DMD: variants seen among roughly 807,000 people sequenced by gnomAD.
DMD encodes mutant dystrophin.
A neutral mutation model predicts 330.1 loss-of-function variants in DMD; 63 were observed. The observed-to-expected ratio is 0.19, with a 90% CI of 0.16 to 0.24. The LOEUF (loss-of-function observed/expected upper bound fraction) is 0.24, where lower values mean the gene tolerates loss of function less well. Among genes scored for constraint, DMD ranks in the 10% least tolerant of loss-of-function variants. DMD has a pLI of 1.00. For synonymous variants in DMD, 1,223 were observed against 959.8 expected (o/e 1.27, Z -5.07); for missense variants, 3,344 against 2,684.1 (o/e 1.25, Z -5.43).
chrX:32,027,214 G>A (rs915392291), intron 44 of DMD, among the ~76,000 whole-genome samples: 2 of 104,501 alleles, frequency 1.9e-5, no homozygotes, highest in Non-Finnish European at 3.9e-5. Flanking sequence ...AGAAGCGGGG[G>A]AAGGCTGGGG....
At position 31,120,913 on chromosome X, in the gene DMD, TATA is replaced by T. The variant is rs986404764; in HGVS notation, c.*1003_*1005del. ...CCAACCAACCGATTACTCACTCTGA[TATA>T]ATAAGTCCTGTGTATTCATTCACAT... On this transcript the variant is annotated 3_prime_UTR_variant, in exon 79 of 79. Transcript: ENST00000357033. The T allele has an allele frequency of 1.8e-5, 2 of 111,225 alleles. No homozygotes were observed. Among genetic ancestry groups the T allele is most frequent in the African/African-American group, 3.3e-5 (1 of 30,116 alleles). 9.2% of individuals were successfully genotyped at this position (111,225 alleles called of 1,213,427 possible). A position where few individuals can be genotyped will look rare whatever the true frequency, so the allele number is the denominator to read the frequency against.
intron 33 of DMD, among the ~76,000 whole-genome samples, chrX:32,383,053 G>A (rs2097935683): frequency 9.0e-6 from 1 of 110,961 alleles, no homozygotes; most frequent in South Asian, 3.7e-4. Context: ...ATAAAAATCA[G>A]AGCATAGAGA....
intron 1 of DMD, among the ~76,000 whole-genome samples, chrX:33,257,737 T>C (rs903919269): frequency 3.6e-5 from 4 of 110,888 alleles, no homozygotes; most frequent in Non-Finnish European, 7.6e-5. Flanking sequence ...TTTGCACAGT[T>C]ATATTTTTCC....
chrX:33,142,518 A>G (rs997090677), intron 1 of DMD, among the ~76,000 whole-genome samples: 14 of 112,452 alleles, frequency 1.2e-4, no homozygotes, highest in African/African-American at 4.5e-4. Flanking sequence ...AAACATACCA[A>G]AGGAAAGGTT....
intron 39 of DMD, among the ~76,000 whole-genome samples, 173 bp from the exon 40 acceptor site, chrX:32,343,459 G>A (rs942954208): frequency 1.2e-4 from 13 of 111,816 alleles, no homozygotes; most frequent in African/African-American, 3.9e-4. Flanking sequence ...TGCATGAGGC[G>A]GGACCCATGT....
chrX:32,740,343 T>C (rs753253939), intron 7 of DMD, among the ~76,000 whole-genome samples: 1 of 110,237 alleles, frequency 9.1e-6, no homozygotes, highest in South Asian at 3.9e-4. Flanking sequence ...ATAGGGGCCA[T>C]GGTACAGAGA....
chrX:31,381,236 C>T (rs1360673442), intron 60 of DMD, among the ~76,000 whole-genome samples: 2 of 111,170 alleles, frequency 1.8e-5, no homozygotes, highest in East Asian at 5.7e-4. Flanking sequence ...TTTCATTACA[C>T]ACCGCTGAAG....
chrX:32,614,585 G>T, intron 11 of DMD, 132 bp from the exon 12 acceptor site: 1 of 545,665 alleles, frequency 1.8e-6, no homozygotes, highest in Non-Finnish European at 3.0e-6. Flanking sequence ...CATTGAGAAG[G>T]ATGTAAGTAA....
chrX:31,157,142 C>T (rs774898013), intron 74 of DMD, among the ~76,000 whole-genome samples: 19 of 111,669 alleles, frequency 1.7e-4, no homozygotes, highest in Non-Finnish European at 3.2e-4. Context: ...ACCAAGGGTA[C>T]AGGGTTAATG....
At chrX:33,249,882 T>G (rs904426032) in intron 1 of DMD, among the ~76,000 whole-genome samples, 9 of 110,256 alleles carry the variant, frequency 8.2e-5, no homozygotes, top group Non-Finnish European at 1.5e-4. Context: ...CATTCAGGTA[T>G]CAAGGGATAC....
At chrX:31,738,232 G>A (rs1222684213) in intron 51 of DMD, among the ~76,000 whole-genome samples, 1 of 111,894 alleles carries the variant, frequency 8.9e-6, no homozygotes, top group African/African-American at 3.2e-5. Context: ...ACAATGAAGG[G>A]AAACAGTGGT....
At chrX:32,862,204 T>C (rs1054910510) in intron 2 of DMD, among the ~76,000 whole-genome samples, 3 of 112,247 alleles carry the variant, frequency 2.7e-5, no homozygotes, top group Non-Finnish European at 3.8e-5. Context: ...AGCTAGCAAG[T>C]GTTCAAGAGC....
chrX:32,707,890 G>T (rs1384932087), intron 7 of DMD, among the ~76,000 whole-genome samples: 1 of 111,598 alleles, frequency 9.0e-6, no homozygotes, highest in Non-Finnish European at 1.9e-5. Flanking sequence ...CATTTGAGAT[G>T]AAAGTATTTT....
chrX:31,368,019 T>C (rs995261224), intron 60 of DMD, among the ~76,000 whole-genome samples: 2 of 111,960 alleles, frequency 1.8e-5, no homozygotes, highest in Admixed American at 1.9e-4. Flanking sequence ...CCACCTGTGA[T>C]TCCAGTGTCA....
At chrX:32,667,466 T>C (rs912247174) in intron 9 of DMD, among the ~76,000 whole-genome samples, 1 of 112,122 alleles carries the variant, frequency 8.9e-6, no homozygotes, top group African/African-American at 3.2e-5. Flanking sequence ...GATTAAGAAA[T>C]GCATTAAGCA....
At chrX:33,276,463 A>G (rs111678939) in intron 1 of DMD, among the ~76,000 whole-genome samples, 1,231 of 111,282 alleles carry the variant, frequency 0.011, 20 homozygotes, top group African/African-American at 0.038. Context: ...TTTGTTTCTA[A>G]CTTGTTTTAA....
chrX:31,616,379 T>C (rs939366781), intron 55 of DMD, among the ~76,000 whole-genome samples: 1 of 111,463 alleles, frequency 9.0e-6, no homozygotes, highest in African/African-American at 3.3e-5. Context: ...GACACAGAAG[T>C]AAGCTGGCTA....
intron 39 of DMD, among the ~76,000 whole-genome samples, chrX:32,344,879 T>G (rs1483506195): frequency 1.8e-5 from 2 of 111,501 alleles, no homozygotes; most frequent in Non-Finnish European, 3.8e-5. Context: ...CACATTATGG[T>G]GTGCTTTTGC....
intron 2 of DMD, among the ~76,000 whole-genome samples, chrX:32,904,100 CATT>C (rs1454356635): frequency 8.9e-6 from 1 of 111,960 alleles, no homozygotes. Flanking sequence ...AATGGACAGT[CATT>C]ATGAAAATCT....
Sources: allele counts gnomAD v4.1 joint callset (sites outside exome capture counted in the v4.1 genomes callset), GRCh38; gene constraint gnomAD v4.1.1; transcripts MANE v1.5; gene names NCBI Gene and HGNC (gene_info 2026-07-23, HGNC 2026-07-21).